CDK15: variants seen among roughly 807,000 people sequenced by gnomAD.
The protein encoded by CDK15 is cyclin dependent kinase 15, also known as cyclin-dependent kinase 15.
A neutral mutation model predicts 60.3 loss-of-function variants in CDK15; 62 were observed. The observed-to-expected ratio is 1.03, with a 90% CI of 0.84 to 1.27. CDK15 has a LOEUF of 1.27. CDK15 is among the 50% of genes most tolerant of loss of function. The pLI is 0.00. For synonymous variants in CDK15, 194 were observed against 195.7 expected (o/e 0.99, Z 0.07); for missense variants, 541 against 527.8 (o/e 1.03, Z -0.25).
rs147330144 is a variant in CDK15 at position 201,870,639 on chromosome 2, G to T, written c.1010-1639G>T. ...AGCTACTCCAGAGGCTGAGGTGGGA[G>T]GATCACTTGAGGCCAGGAGTTCCAG... On this transcript the variant is annotated intron_variant, in intron 10 of 13. Coordinates refer to ENST00000652192, the MANE Select transcript of CDK15 (RefSeq NM_001366386.2). Among the ~76,000 whole-genome samples the T allele has an allele frequency of 6.7e-3, 1,023 of 152,284 alleles. 12 individuals carry two copies. The highest frequency in any genetic ancestry group is 0.023 in the African/African-American group (959 of 41,548).
intron 10 of CDK15, among the ~76,000 whole-genome samples, chr2:201,870,251 C>T (rs1231951744): frequency 6.6e-6 from 1 of 152,062 alleles, no homozygotes; most frequent in East Asian, 1.9e-4. Context: ...CCCCTGTAAC[C>T]ACCACCACTA....
chr2:201,875,304 G>A (rs1699035634), intron 11 of CDK15, among the ~76,000 whole-genome samples: 1 of 152,212 alleles, frequency 6.6e-6, no homozygotes, highest in Admixed American at 6.5e-5. Context: ...CTTGCCCACA[G>A]GGATGAGCAC....
At chr2:201,811,912 C>T (rs1695784402) in intron 3 of CDK15, among the ~76,000 whole-genome samples, 2 of 152,068 alleles carry the variant, frequency 1.3e-5, no homozygotes, top group African/African-American at 4.8e-5. Flanking sequence ...GTGGCTCGTG[C>T]CTGTAATCCC....
In CDK15 at chr2:201,806,655, C is replaced by G. The variant is rs764748360; in HGVS notation, c.-10C>G. ...TCAAGTGCGGGTTTTCTCCTTGAACCTACAAGATTATGGGTCAAGAGCTGT... is the reference window on the plus strand; with the variant it reads ...TCAAGTGCGGGTTTTCTCCTTGAACGTACAAGATTATGGGTCAAGAGCTGT... On this transcript the variant is annotated 5_prime_UTR_variant, in exon 1 of 14. Transcript: ENST00000652192. The G allele has an allele frequency of 7.4e-5, 117 of 1,582,124 alleles. No individual in the cohort carries two copies. The highest frequency in any genetic ancestry group is 9.6e-5 in the Non-Finnish European group (112 of 1,169,624).
intron 8 of CDK15, among the ~76,000 whole-genome samples, chr2:201,837,025 G>C (rs763876283): frequency 9.9e-5 from 15 of 151,988 alleles, no homozygotes; most frequent in Non-Finnish European, 2.1e-4. Context: ...TGGGCTTGCC[G>C]TCTCATGCCT....
intron 12 of CDK15, chr2:201,889,404 G>C: frequency 2.0e-6 from 2 of 985,326 alleles, no homozygotes; most frequent in Non-Finnish European, 2.4e-6. Context: ...GCTAATACTT[G>C]TAACAATGGC....
At chr2:201,844,086 C>G (rs916516135) in intron 8 of CDK15, among the ~76,000 whole-genome samples, 2 of 152,096 alleles carry the variant, frequency 1.3e-5, no homozygotes, top group Non-Finnish European at 2.9e-5. Context: ...TATTTTCAAT[C>G]CTTCTAGTGG....
intron 10 of CDK15, among the ~76,000 whole-genome samples, chr2:201,870,590 G>T (rs1478634825): frequency 6.6e-6 from 1 of 151,070 alleles, no homozygotes; most frequent in African/African-American, 2.4e-5. Flanking sequence ...AAAAACAGAC[G>T]TGGTGGTGTA....
chr2:201,808,002 C>G (rs779959825), intron 3 of CDK15, 50 bp downstream of exon 3: 5 of 1,488,782 alleles, frequency 3.4e-6, no homozygotes, highest in African/African-American at 2.8e-5. Flanking sequence ...GTCCCGCCCC[C>G]CCAATTTCAT....
intron 6 of CDK15, among the ~76,000 whole-genome samples, chr2:201,832,351 A>C (rs1456965722): frequency 6.6e-6 from 1 of 152,122 alleles, no homozygotes; most frequent in African/African-American, 2.4e-5. Flanking sequence ...AGTCTGAAAA[A>C]CGTATTTTTA....
chr2:201,824,208 A>G (rs1574860255), intron 6 of CDK15, among the ~76,000 whole-genome samples: 1 of 152,214 alleles, frequency 6.6e-6, no homozygotes, highest in South Asian at 2.1e-4. Context: ...TTAATTAGCT[A>G]TAATTCTACA....
chr2:201,889,695 A>G (rs1229892480), intron 12 of CDK15, among the ~76,000 whole-genome samples: 2 of 152,110 alleles, frequency 1.3e-5, no homozygotes, highest in Non-Finnish European at 2.9e-5. Flanking sequence ...AAGGTAGTAT[A>G]TATATTTTCA....
chr2:201,812,673 T>TA, intron 4 of CDK15, 111 bp downstream of exon 4: 1 of 518,930 alleles, frequency 1.9e-6, no homozygotes. Flanking sequence ...TGGAATACTA[T>TA]AATTACATTT....
intron 10 of CDK15, chr2:201,860,699 T>C (rs1445302368): frequency 7.4e-7 from 1 of 1,351,828 alleles, no homozygotes; most frequent in Non-Finnish European, 9.8e-7. Flanking sequence ...GGATGCCCAG[T>C]TGTTTTTCAG....
intron 6 of CDK15, among the ~76,000 whole-genome samples, chr2:201,833,250 T>C (rs1452335706): frequency 6.6e-6 from 1 of 152,118 alleles, no homozygotes. Flanking sequence ...TCTTCCCTTT[T>C]CATCTGTACT....
At chr2:201,843,806 T>A (rs890005544) in intron 8 of CDK15, among the ~76,000 whole-genome samples, 2 of 152,358 alleles carry the variant, frequency 1.3e-5, no homozygotes, top group Middle Eastern at 3.4e-3. Flanking sequence ...TGTGTTACTT[T>A]ATGGTACTTA....
chr2:201,809,167 A>G (rs1046426387), intron 3 of CDK15, among the ~76,000 whole-genome samples: 1 of 152,260 alleles, frequency 6.6e-6, no homozygotes, highest in African/African-American at 2.4e-5. Context: ...CAATTTGGCC[A>G]TGGTAACTGT....
At chr2:201,865,397 T>C (rs1161871690) in intron 10 of CDK15, among the ~76,000 whole-genome samples, 1 of 152,214 alleles carries the variant, frequency 6.6e-6, no homozygotes, top group African/African-American at 2.4e-5. Context: ...TGGTCTCTCC[T>C]TCCTTTACAG....
intron 4 of CDK15, among the ~76,000 whole-genome samples, chr2:201,821,933 G>C (rs898758132): frequency 1.3e-5 from 2 of 152,156 alleles, no homozygotes; most frequent in Non-Finnish European, 1.5e-5. Flanking sequence ...CACCCACCTC[G>C]GCCTCCCTGA....
Sources: allele counts gnomAD v4.1 joint callset (sites outside exome capture counted in the v4.1 genomes callset), GRCh38; gene constraint gnomAD v4.1.1; transcripts MANE v1.5; gene names NCBI Gene and HGNC (gene_info 2026-07-23, HGNC 2026-07-21).